RNF157: variants seen among roughly 807,000 people sequenced by gnomAD.
The protein encoded by RNF157 is ring finger protein 157.
In RNF157, 55 loss-of-function variants were observed where a neutral mutation model predicts 88.3. That is an observed-to-expected ratio of 0.62 (90% confidence interval 0.50 to 0.78). The LOEUF (loss-of-function observed/expected upper bound fraction) is 0.78. RNF157 is among the 30% of genes least tolerant of loss of function. The pLI is 0.00. For missense variants in RNF157, 788 were observed against 860.8 expected, an observed-to-expected ratio of 0.92 and a Z score of 1.06; for synonymous variants, 334 against 341.2, an observed-to-expected ratio of 0.98 and a Z score of 0.23.
chr17:76,179,773 A>G (rs1047465106), intron 2 of RNF157, among the ~76,000 whole-genome samples: 21 of 152,228 alleles, frequency 1.4e-4, no homozygotes, highest in African/African-American at 4.8e-4. Flanking sequence ...GAAAGGAAAG[A>G]AAACTAATGC....
intron 17 of RNF157, chr17:76,154,015 T>C (rs2068722619): frequency 2.4e-6 from 1 of 413,820 alleles, no homozygotes; most frequent in Admixed American, 3.9e-5. Context: ...CGAATCTACT[T>C]CAGGTAAATA....
chr17:76,220,655 ATT>A (rs557955508), intron 1 of RNF157, among the ~76,000 whole-genome samples: 1 of 147,690 alleles, frequency 6.8e-6, no homozygotes. Flanking sequence ...CAAATTTATT[ATT>A]TTTTTTTTTT....
rs1390361299 is a variant in RNF157, at chr17:76,212,409, A to C, written c.162T>G (p.Phe54Leu). ...FDSTHPEGYL[F>L]GENSDLNFLG... ...GAAAGTTCAGATCGCTGTTCTCTCC[A>C]AACAGGTAACCTTCAGGATGAGTTG... The change falls in exon 2 of 19, where the codon TTT becomes TTG. Residue 54 changes from phenylalanine (F) to leucine (L), a missense_variant. Coordinates refer to ENST00000269391, the MANE Select transcript of RNF157 (RefSeq NM_052916.3). 3 of 1,614,084 alleles carry C rather than the reference A, an allele frequency of 1.9e-6. No homozygotes were observed. The highest frequency in any genetic ancestry group is 2.5e-6 in the Non-Finnish European group (3 of 1,179,926).
In RNF157 at chr17:76,167,660, C is replaced by G; in HGVS notation, c.434G>C (p.Gly145Ala). Reference sequence around the variant, plus strand: ...GGTCTCCTGATCTTACCTGGCAATACCATTCTGGAACTCTTCCGTGGCCTG... The same window carrying G: ...GGTCTCCTGATCTTACCTGGCAATAGCATTCTGGAACTCTTCCGTGGCCTG... ...YYQATEEFQN[G>A]IASYIPKDNS... The change falls in exon 4 of 19, where the codon GGT becomes GCT. Residue 145 changes from glycine to alanine, a missense_variant. By Grantham distance (60) the Gly-to-Ala change is moderately conservative. Transcript: ENST00000269391. 6.2e-7 allele frequency: 1 copy of G among 1,613,932 alleles called. No individual in the cohort carries two copies. The highest frequency in any genetic ancestry group is 8.5e-7 in the Non-Finnish European group (1 of 1,179,980).
At chr17:76,183,270 C>T (rs557259674) in intron 2 of RNF157, among the ~76,000 whole-genome samples, 1 of 151,684 alleles carries the variant, frequency 6.6e-6, no homozygotes, top group Non-Finnish European at 1.5e-5. Flanking sequence ...CTGCAGATCC[C>T]AGGGCCCTGT....
chr17:76,238,198 C>G (rs2070314837), intron 1 of RNF157, among the ~76,000 whole-genome samples: 1 of 152,112 alleles, frequency 6.6e-6, no homozygotes, highest in Admixed American at 6.5e-5. Context: ...CAGGTCAATT[C>G]AAAGATCAGA....
At chr17:76,167,836 T>C (rs1393452277) in intron 3 of RNF157, 39 bp from the exon 4 acceptor site, 2 of 1,580,024 alleles carry the variant, frequency 1.3e-6, no homozygotes, top group South Asian at 2.3e-5. Flanking sequence ...GAGTAGCATA[T>C]CAATATTTTA....
At chr17:76,222,218 C>T (rs565928497) in intron 1 of RNF157, among the ~76,000 whole-genome samples, 17 of 152,052 alleles carry the variant, frequency 1.1e-4, no homozygotes, top group South Asian at 2.1e-4. Context: ...TAGTGGCACA[C>T]GCCTGTGATC....
At chr17:76,210,983 T>G (rs1372329645) in intron 2 of RNF157, among the ~76,000 whole-genome samples, 3 of 152,166 alleles carry the variant, frequency 2.0e-5, no homozygotes, top group Non-Finnish European at 4.4e-5. Flanking sequence ...TTTTGTGTTT[T>G]TAATAGAGAT....
chr17:76,230,874 GAGAGAA>G (rs1024312489), intron 1 of RNF157, among the ~76,000 whole-genome samples: 2 of 104,550 alleles, frequency 1.9e-5, no homozygotes, highest in Non-Finnish European at 3.6e-5. Context: ...GAGAGAGAGA[GAGAGAA>G]AGAGAAAGAG....
chr17:76,232,455 T>A (rs927693833), intron 1 of RNF157, among the ~76,000 whole-genome samples: 3 of 152,176 alleles, frequency 2.0e-5, no homozygotes, highest in Non-Finnish European at 4.4e-5. Flanking sequence ...TATATGACTG[T>A]ACCATGAAAT....
At chr17:76,156,089 A>T in intron 14 of RNF157, 121 bp downstream of exon 14, 1 of 746,038 alleles carries the variant, frequency 1.3e-6, no homozygotes, top group Non-Finnish European at 2.2e-6. Context: ...GCCAGGGCCT[A>T]CTTGTCATGC....
At chr17:76,239,658 C>A (rs980877519) in intron 1 of RNF157, among the ~76,000 whole-genome samples, 1 of 151,106 alleles carries the variant, frequency 6.6e-6, no homozygotes, top group South Asian at 2.1e-4. Context: ...CTAATTCTAA[C>A]CTTTCCAGAG....
intron 13 of RNF157, 151 bp from the exon 14 acceptor site, chr17:76,156,472 C>T: frequency 1.4e-6 from 2 of 1,442,270 alleles, no homozygotes; most frequent in East Asian, 5.1e-5. Flanking sequence ...CAGCTTCTCT[C>T]TTCCGTCCTC....
In RNF157 at chr17:76,162,591, G is replaced by C; in HGVS notation, c.753C>G (p.Ile251Met). ...VDGVSYLLQE[I>M]YGIENKYNTQ... is the part of the protein sequence containing the mutation. ...TGTTGTACTTGTTTTCAATTCCATA[G>C]ATCTCCTGAAGGAGGTAGCTGACCC... is the stretch of plus-strand genomic sequence containing the variant. Residue 251 changes from isoleucine (I) to methionine (M), a missense_variant, in exon 9 of 19, where the codon ATC (isoleucine) becomes ATG (methionine). Physicochemically the swap from Ile to Met is conservative, Grantham distance 10. Coordinates refer to ENST00000269391, the MANE Select transcript of RNF157 (RefSeq NM_052916.3). 1 of 1,613,118 alleles carries C rather than the reference G, an allele frequency of 6.2e-7. No homozygotes were observed.
At chr17:76,149,799 C>A (rs534114091) in intron 18 of RNF157, among the ~76,000 whole-genome samples, 1 of 152,176 alleles carries the variant, frequency 6.6e-6, no homozygotes, top group Middle Eastern at 3.4e-3. Context: ...TTTGGGGGGC[C>A]GAGGTGGGCA....
chr17:76,146,784 C>A lies in RNF157; in HGVS notation c.1922-1431G>T, dbSNP rs1260954963. The A allele has an allele frequency of 1.0e-6, 1 of 985,254 alleles. No individual in the cohort carries two copies. Among genetic ancestry groups the A allele is most frequent in the Non-Finnish European group, 1.2e-6 (1 of 829,856 alleles). 61.0% of individuals were successfully genotyped at this position (985,254 alleles called of 1,614,324 possible). A position where few individuals can be genotyped will look rare whatever the true frequency, so the allele number is the denominator to read the frequency against. ...TTGCAGTCCAGAGCCCAGCACAACACCTGACCCATAGGAGGACCTGTTCAG... is the reference window on the plus strand; with the variant it reads ...TTGCAGTCCAGAGCCCAGCACAACAACTGACCCATAGGAGGACCTGTTCAG... On this transcript the variant is annotated intron_variant, in intron 18 of 18. Transcript: ENST00000269391. The surrounding 1 kb of genome is among the most constrained non-coding windows in gnomAD (Gnocchi z 4.2).
At chr17:76,171,099 A>G (rs545899583) in intron 3 of RNF157, among the ~76,000 whole-genome samples, 360 of 151,792 alleles carry the variant, frequency 2.4e-3, no homozygotes, top group African/African-American at 6.9e-3. Context: ...TCACTGTGTT[A>G]GCCAGGATGG....
intron 2 of RNF157, among the ~76,000 whole-genome samples, chr17:76,185,475 CTTT>C (rs71161271): frequency 1.4e-5 from 2 of 141,904 alleles, no homozygotes; most frequent in Admixed American, 7.0e-5. Context: ...TTAGTCCTTT[CTTT>C]TTTTTTTTTG....
Sources: allele counts gnomAD v4.1 joint callset (sites outside exome capture counted in the v4.1 genomes callset), GRCh38; gene constraint gnomAD v4.1.1; non-coding constraint Gnocchi (gnomAD v3.1); transcripts MANE v1.5; gene names NCBI Gene and HGNC (gene_info 2026-07-23, HGNC 2026-07-21).